Variants in DPP10 observed in about 807,000 individuals in gnomAD.
The protein encoded by DPP10 is dipeptidyl peptidase like 10.
DPP10 carries 33 observed loss-of-function variants against 120.9 expected under a neutral mutation model. The observed-to-expected ratio is 0.27, with a 90% confidence interval of 0.21 to 0.37. DPP10 has a LOEUF of 0.37. DPP10 is among the 10% of genes least tolerant of loss of function. The probability of loss-of-function intolerance (pLI) is 1.00; values close to 1 mark genes in which losing one functional copy is unlikely to be tolerated. For missense variants in DPP10, 816 were observed against 942.8 expected (o/e 0.87, Z 1.76); for synonymous variants, 337 against 326.1 (o/e 1.03, Z -0.36).
At chr2:115,622,936 G>A (rs995477336) in intron 5 of DPP10, among the ~76,000 whole-genome samples, 11 of 149,784 alleles carry the variant, frequency 7.3e-5, no homozygotes, top group Non-Finnish European at 1.3e-4. Flanking sequence ...TCTGCCTCCC[G>A]GGTTCATGCC....
intron 17 of DPP10, among the ~76,000 whole-genome samples, chr2:115,784,145 A>T (rs1345617992): frequency 6.6e-6 from 1 of 152,200 alleles, no homozygotes; most frequent in Non-Finnish European, 1.5e-5. Flanking sequence ...TCTCAAGGTC[A>T]ACAAAAACAA....
At chr2:114,665,881 G>A (rs1558983640) in intron 1 of DPP10, among the ~76,000 whole-genome samples, 1 of 152,120 alleles carries the variant, frequency 6.6e-6, no homozygotes. Flanking sequence ...GGTTAGTTTT[G>A]CTCCAGTAGC....
At chr2:115,514,636 T>G (rs1257149400) in intron 4 of DPP10, among the ~76,000 whole-genome samples, 1 of 151,844 alleles carries the variant, frequency 6.6e-6, no homozygotes, top group Non-Finnish European at 1.5e-5. Context: ...AATTTTTAAT[T>G]AATTAAAATC....
chr2:115,533,800 C>T (rs1191228820), intron 5 of DPP10, among the ~76,000 whole-genome samples: 2 of 152,022 alleles, frequency 1.3e-5, no homozygotes, highest in Non-Finnish European at 2.9e-5. Flanking sequence ...CCTTCTAGTG[C>T]CCATAGAATA....
chr2:114,459,406 AG>A (rs1203688974), intron 1 of DPP10, among the ~76,000 whole-genome samples: 2 of 152,234 alleles, frequency 1.3e-5, no homozygotes, highest in Non-Finnish European at 2.9e-5. Context: ...TGACAATCTT[AG>A]GGGTAAGAAA....
chr2:114,995,582 C>T (rs1322859324), intron 1 of DPP10, among the ~76,000 whole-genome samples: 4 of 152,142 alleles, frequency 2.6e-5, no homozygotes, highest in Admixed American at 2.6e-4. Context: ...CTTTAGTGAG[C>T]CTTAAACTTT....
At chr2:114,674,674 A>G (rs905769152) in intron 1 of DPP10, among the ~76,000 whole-genome samples, 1 of 152,162 alleles carries the variant, frequency 6.6e-6, no homozygotes, top group African/African-American at 2.4e-5. Context: ...GTGGCTTTGC[A>G]CTGGAAAGAT....
intron 1 of DPP10, among the ~76,000 whole-genome samples, chr2:115,152,754 A>G (rs1262395128): frequency 2.0e-5 from 3 of 152,190 alleles, no homozygotes; most frequent in African/African-American, 7.2e-5. Context: ...AAGAGTTCAC[A>G]GGATCTAGAC....
intron 1 of DPP10, among the ~76,000 whole-genome samples, chr2:114,672,466 C>G (rs1698407683): frequency 6.6e-6 from 1 of 152,128 alleles, no homozygotes; most frequent in South Asian, 2.1e-4. Context: ...ATACTCAGTG[C>G]TTACCTATTT....
chr2:115,264,264 A>T (rs2059371006), intron 1 of DPP10, among the ~76,000 whole-genome samples: 1 of 152,206 alleles, frequency 6.6e-6, no homozygotes, highest in African/African-American at 2.4e-5. Context: ...ATGTCAATTG[A>T]CTAACCACCG....
intron 1 of DPP10, among the ~76,000 whole-genome samples, chr2:115,258,487 A>AG (rs1176020887): frequency 2.0e-5 from 3 of 152,104 alleles, no homozygotes; most frequent in African/African-American, 7.2e-5. Context: ...GGCAAAAAAA[A>AG]AAAAAAATCT....
chr2:115,319,752 A>G (rs2061969194), intron 2 of DPP10, among the ~76,000 whole-genome samples: 1 of 152,172 alleles, frequency 6.6e-6, no homozygotes. Flanking sequence ...AGAAAGTCCA[A>G]GATCAAGGTT....
chr2:114,682,779 T>G (rs1179663499), intron 1 of DPP10, among the ~76,000 whole-genome samples: 1 of 104,368 alleles, frequency 9.6e-6, no homozygotes, highest in Non-Finnish European at 1.9e-5. Flanking sequence ...TGTCTATCTA[T>G]CTATCTATCT....
chr2:114,484,319 A>C (rs961942515), intron 1 of DPP10, among the ~76,000 whole-genome samples: 2 of 152,148 alleles, frequency 1.3e-5, no homozygotes, highest in Non-Finnish European at 2.9e-5. Flanking sequence ...ATGTAAGTGG[A>C]AACTGAGGTT....
intron 13 of DPP10, among the ~76,000 whole-genome samples, chr2:115,776,082 C>T (rs1269159508): frequency 1.3e-5 from 2 of 152,042 alleles, no homozygotes; most frequent in Non-Finnish European, 2.9e-5. Context: ...AAAATCAGCA[C>T]TGAGATAAGG....
At position 115,441,710 on chromosome 2, in the gene DPP10, G is replaced by T. The variant is rs569515748; in HGVS notation, c.272-57800G>T. Among the ~76,000 whole-genome samples, 7 of 151,904 alleles carry T rather than the reference G, an allele frequency of 4.6e-5. No homozygotes were observed. The South Asian group carries it at 1.5e-3, about 32-fold the overall frequency. On this transcript the variant is annotated intron_variant, in intron 3 of 25. Transcript: ENST00000410059. ...TGGAATAAATTTAGACTGCATACATGTGGAGGGACAGACCTAGTTATTTGA... is the reference window on the plus strand; with the variant it reads ...TGGAATAAATTTAGACTGCATACATTTGGAGGGACAGACCTAGTTATTTGA...
chr2:114,555,753 T>C (rs183879012), intron 1 of DPP10, among the ~76,000 whole-genome samples: 1 of 152,310 alleles, frequency 6.6e-6, no homozygotes, highest in African/African-American at 2.4e-5. Flanking sequence ...ATAACTGATA[T>C]ATAGGAACAG....
chr2:115,759,397 A>AT (rs996791183), intron 11 of DPP10, among the ~76,000 whole-genome samples: 1 of 131,588 alleles, frequency 7.6e-6, no homozygotes, highest in African/African-American at 3.6e-5. Context: ...ATTTCTATAT[A>AT]AAAAAAAAAA....
intron 17 of DPP10, among the ~76,000 whole-genome samples, chr2:115,785,275 C>A (rs1683202003): frequency 6.6e-6 from 1 of 152,288 alleles, no homozygotes; most frequent in Admixed American, 6.5e-5. Context: ...TCAGGCCCAG[C>A]CACTGTTTTC....
Sources: gnomAD v4.1 joint callset for allele counts (sites outside exome capture counted in the v4.1 genomes callset) on GRCh38, gnomAD v4.1.1 for gene constraint, MANE v1.5 for transcripts, NCBI Gene and HGNC (gene_info 2026-07-23, HGNC 2026-07-21) for gene names.